Variants in KANK4 observed in about 807,000 individuals in gnomAD.
The protein encoded by KANK4 is KN motif and ankyrin repeat domain-containing protein 4.
KANK4 carries 50 observed loss-of-function variants against 80.8 expected under a neutral mutation model. The ratio of observed to expected loss-of-function variants is 0.62; its 90% CI spans 0.49 to 0.78. KANK4 has a LOEUF of 0.78. Among genes scored for constraint, KANK4 ranks in the 30% least tolerant of loss-of-function variants. The probability of loss-of-function intolerance (pLI) is 0.00; values close to 1 mark genes in which losing one functional copy is unlikely to be tolerated. For missense variants in KANK4, 1,196 were observed against 1,240.1 expected (o/e 0.96, Z 0.53); for synonymous variants, 465 against 506.9 (o/e 0.92, Z 1.11).
At chr1:62,249,878 G>A (rs1186730271) in intron 8 of KANK4, among the ~76,000 whole-genome samples, 3 of 151,148 alleles carry the variant, frequency 2.0e-5, no homozygotes, top group Admixed American at 2.0e-4. Context: ...GTAGTGATGG[G>A]GTTTTGCGAT....
intron 9 of KANK4, among the ~76,000 whole-genome samples, chr1:62,246,183 A>G (rs947485830): frequency 1.3e-5 from 2 of 152,162 alleles, no homozygotes; most frequent in African/African-American, 4.8e-5. Flanking sequence ...TGTGTTGGTT[A>G]CTATTGTTAC....
chr1:62,268,318 C>T lies in KANK4; in HGVS notation c.2200G>A (p.Gly734Arg), dbSNP rs1369145683. The change falls in exon 5 of 10, where the codon GGG becomes AGG. Residue 734 changes from glycine (G) to arginine (R), a missense_variant. Around this residue, in one of 3 missense-constraint regions of KANK4, gnomAD observed 1,154 missense variants for 1,179.6 expected, o/e 0.98. Transcript: ENST00000371153. ...TCHAAQESGP[G>R]EEVPHSKAER... ...GCCTTGGAGTGGGGGACTTCTTCCCCAGGCCCACTTTCCTGGGCAGCATGG... is the reference window on the plus strand; with the variant it reads ...GCCTTGGAGTGGGGGACTTCTTCCCTAGGCCCACTTTCCTGGGCAGCATGG... The T allele has an allele frequency of 6.2e-7, 1 of 1,613,766 alleles. No individual in the cohort carries two copies. Among genetic ancestry groups the T allele is most frequent in the African/African-American group, 1.3e-5 (1 of 75,050 alleles).
intron 7 of KANK4, among the ~76,000 whole-genome samples, chr1:62,257,399 C>T (rs1044103815): frequency 6.6e-6 from 1 of 152,148 alleles, no homozygotes; most frequent in Non-Finnish European, 1.5e-5. Context: ...GGACCCAGGA[C>T]TTTATAGAAG....
At chr1:62,250,568 C>T (rs1210045657) in intron 8 of KANK4, among the ~76,000 whole-genome samples, 3 of 152,160 alleles carry the variant, frequency 2.0e-5, no homozygotes, top group Admixed American at 2.0e-4. Flanking sequence ...AAGGGAATGG[C>T]TGCAGCTATG....
intron 4 of KANK4, among the ~76,000 whole-genome samples, chr1:62,270,150 G>T (rs1280784915): frequency 6.6e-6 from 1 of 152,160 alleles, no homozygotes; most frequent in East Asian, 1.9e-4. Context: ...CAGTGGCAGG[G>T]GCTAAGGCTG....
At chr1:62,293,670 C>T (rs1181322826) in intron 1 of KANK4, among the ~76,000 whole-genome samples, 1 of 152,142 alleles carries the variant, frequency 6.6e-6, no homozygotes, top group Non-Finnish European at 1.5e-5. Flanking sequence ...AGAAAGGTGA[C>T]CACCATCCAT....
At chr1:62,267,027 G>A (rs950271824) in intron 5 of KANK4, among the ~76,000 whole-genome samples, 4 of 152,010 alleles carry the variant, frequency 2.6e-5, no homozygotes, top group Admixed American at 1.3e-4. Context: ...AAGATGAGCC[G>A]AGTGTGTTGC....
chr1:62,314,997 A>T (rs1164758494), intron 1 of KANK4, among the ~76,000 whole-genome samples: 1 of 152,210 alleles, frequency 6.6e-6, no homozygotes, highest in African/African-American at 2.4e-5. Flanking sequence ...CATTTATTTT[A>T]TCCTGGAAAC....
At chr1:62,311,176 T>C (rs149410032) in intron 1 of KANK4, among the ~76,000 whole-genome samples, 62 of 152,160 alleles carry the variant, frequency 4.1e-4, no homozygotes, top group Non-Finnish European at 5.4e-4. Flanking sequence ...CTGTAGTAGG[T>C]TTCAAGAACA....
intron 7 of KANK4, among the ~76,000 whole-genome samples, chr1:62,253,810 T>C (rs1187843282): frequency 1.3e-5 from 2 of 152,208 alleles, no homozygotes; most frequent in Non-Finnish European, 1.5e-5. Context: ...CTTGACTTCA[T>C]CTCCTAAACT....
chr1:62,251,731 C>T (rs543760676), intron 8 of KANK4, among the ~76,000 whole-genome samples: 4 of 152,272 alleles, frequency 2.6e-5, no homozygotes, highest in East Asian at 1.9e-4. Flanking sequence ...CGGTGGCTCA[C>T]GCCTGTAATC....
chr1:62,285,486 C>T (rs1382816671), intron 1 of KANK4, among the ~76,000 whole-genome samples: 2 of 152,168 alleles, frequency 1.3e-5, no homozygotes, highest in Non-Finnish European at 2.9e-5. Flanking sequence ...TATAAAGAGA[C>T]CTTCCCTTAC....
chr1:62,253,224 A>G lies in KANK4; in HGVS notation c.2540-15T>C. ...ATTGCAGACGCCTGCAAGAGAAGCA[A>G]TGGGTGCTGCAAAGGCTCCTGAGGG... On this transcript the variant is annotated splice_polypyrimidine_tract_variant and intron_variant, in intron 7 of 9. Transcript: ENST00000371153. The G allele has an allele frequency of 6.3e-7, 1 of 1,599,862 alleles. No individual in the cohort carries two copies. The highest frequency in any genetic ancestry group is 8.5e-7 in the Non-Finnish European group (1 of 1,175,642).
intron 1 of KANK4, among the ~76,000 whole-genome samples, chr1:62,304,215 C>A (rs17123422): frequency 3.3e-5 from 5 of 151,914 alleles, no homozygotes; most frequent in Non-Finnish European, 5.9e-5. Flanking sequence ...GGTCCATATA[C>A]CAAATTTGGG....
rs760044201 is a variant in KANK4, at chr1:62,253,225, T to G, written c.2540-16A>C. Reference sequence around the variant, plus strand: ...TTGCAGACGCCTGCAAGAGAAGCAATGGGTGCTGCAAAGGCTCCTGAGGGG... The same window carrying G: ...TTGCAGACGCCTGCAAGAGAAGCAAGGGGTGCTGCAAAGGCTCCTGAGGGG... On this transcript the variant is annotated splice_polypyrimidine_tract_variant and intron_variant, in intron 7 of 9. Transcript: ENST00000371153. 2 of 1,600,022 alleles carry G rather than the reference T, an allele frequency of 1.2e-6. No homozygotes were observed. The highest frequency in any genetic ancestry group is 1.7e-6 in the Non-Finnish European group (2 of 1,175,770).
In KANK4 at chr1:62,274,016, A is replaced by G; in HGVS notation, c.1088T>C (p.Leu363Pro). 1 of 1,614,174 alleles carries G rather than the reference A, an allele frequency of 6.2e-7. No individual in the cohort carries two copies. Among genetic ancestry groups the G allele is most frequent in the Non-Finnish European group, 8.5e-7 (1 of 1,180,024 alleles). ...CTGGAGAGCAGTTCTGACCTGTGCCAGTTCCTCGGTTCTTCCAGACAACTC... is the reference window on the plus strand; with the variant it reads ...CTGGAGAGCAGTTCTGACCTGTGCCGGTTCCTCGGTTCTTCCAGACAACTC... ...EGELSGRTEE[L>P]AQVRTALQQQ... Residue 363 changes from leucine (L) to proline (P), a missense_variant, in exon 3 of 10, where the codon CTG becomes CCG. Physicochemically the swap from Leu to Pro is moderately conservative, Grantham distance 98. Around this residue, in one of 3 missense-constraint regions of KANK4, gnomAD observed 1,154 missense variants for 1,179.6 expected, o/e 0.98. Transcript: ENST00000371153.
chr1:62,257,700 T>C (rs1671784957), intron 7 of KANK4, among the ~76,000 whole-genome samples: 2 of 152,262 alleles, frequency 1.3e-5, no homozygotes, highest in East Asian at 3.9e-4. Context: ...TCATCCTCAA[T>C]ATCCCTTCTA....
chr1:62,301,095 T>G (rs950615910), intron 1 of KANK4, among the ~76,000 whole-genome samples: 4 of 152,084 alleles, frequency 2.6e-5, no homozygotes, highest in Non-Finnish European at 5.9e-5. Context: ...ATGCCTTTTG[T>G]GTTCTCTCAG....
intron 1 of KANK4, among the ~76,000 whole-genome samples, chr1:62,294,179 C>G (rs1330964192): frequency 2.0e-5 from 3 of 152,186 alleles, no homozygotes; most frequent in Non-Finnish European, 2.9e-5. Flanking sequence ...TCCTTTGTTA[C>G]TACCAAATTC....
Sources: allele counts gnomAD v4.1 joint callset (sites outside exome capture counted in the v4.1 genomes callset), GRCh38; gene constraint gnomAD v4.1.1; regional missense constraint gnomAD v4.1.1; transcripts MANE v1.5; gene names NCBI Gene and HGNC (gene_info 2026-07-23, HGNC 2026-07-21).